Variants in RAP1A observed in about 807,000 individuals in gnomAD.
The protein encoded by RAP1A is ras-related protein Rap-1A.
In RAP1A, 6 loss-of-function variants were observed where a neutral mutation model predicts 26.4. The ratio of observed to expected loss-of-function variants is 0.23; its 90% CI spans 0.12 to 0.45. The LOEUF (loss-of-function observed/expected upper bound fraction) is 0.45, where lower values mean the gene tolerates loss of function less well. Ranked by LOEUF, RAP1A falls within the 20% of genes least tolerant of loss-of-function variation. The pLI is 0.99. For synonymous variants in RAP1A, 73 were observed against 79.4 expected (o/e 0.92, Z 0.43); for missense variants, 121 against 217.2 (o/e 0.56, Z 2.78).
At chr1:111,676,330 T>A (rs1235347618) in intron 1 of RAP1A, among the ~76,000 whole-genome samples, 1 of 152,100 alleles carries the variant, frequency 6.6e-6, no homozygotes, top group African/African-American at 2.4e-5. Context: ...AAGCCTGGGT[T>A]ATAGAGAGAG....
At chr1:111,601,842 C>G (rs555778603) in intron 1 of RAP1A, among the ~76,000 whole-genome samples, 1 of 152,278 alleles carries the variant, frequency 6.6e-6, no homozygotes, top group East Asian at 1.9e-4. Context: ...AGTACAGCTC[C>G]TGGCATGTGA....
intron 1 of RAP1A, among the ~76,000 whole-genome samples, chr1:111,565,982 T>C (rs1317702439): frequency 6.6e-6 from 1 of 152,008 alleles, no homozygotes; most frequent in Non-Finnish European, 1.5e-5. Flanking sequence ...AAAGAGAGCA[T>C]GGCACCTTCG....
intron 1 of RAP1A, among the ~76,000 whole-genome samples, chr1:111,624,434 T>A (rs1659327742): frequency 6.6e-6 from 1 of 152,210 alleles, no homozygotes; most frequent in Non-Finnish European, 1.5e-5. Context: ...TTTGTAATAG[T>A]GGTATAGATT....
chr1:111,682,961 A>T (rs1099800), intron 1 of RAP1A, among the ~76,000 whole-genome samples: 1 of 151,818 alleles, frequency 6.6e-6, no homozygotes, highest in African/African-American at 2.4e-5. Flanking sequence ...GAACGGAAAT[A>T]ATAAGTCTCT....
At chr1:111,636,744 C>T (rs1260485719) in intron 1 of RAP1A, among the ~76,000 whole-genome samples, 2 of 152,134 alleles carry the variant, frequency 1.3e-5, no homozygotes, top group Non-Finnish European at 2.9e-5. Flanking sequence ...TCGCAAAGTG[C>T]TGGGATTACA....
At chr1:111,594,604 G>GGAA in intron 1 of RAP1A, among the ~76,000 whole-genome samples, 1 of 151,474 alleles carries the variant, frequency 6.6e-6, no homozygotes, top group South Asian at 2.1e-4. Context: ...GAGGAAGGAA[G>GGAA]CAAGGAGAGC....
intron 1 of RAP1A, among the ~76,000 whole-genome samples, chr1:111,566,888 G>T (rs1481665511): frequency 2.6e-5 from 4 of 151,052 alleles, no homozygotes; most frequent in African/African-American, 4.9e-5. Flanking sequence ...TTTTTGGAGG[G>T]GGGAGGAGGA....
intron 1 of RAP1A, among the ~76,000 whole-genome samples, chr1:111,585,331 T>G (rs556605252): frequency 3.9e-5 from 6 of 152,326 alleles, no homozygotes; most frequent in African/African-American, 1.4e-4. Context: ...AATAAAAAGG[T>G]ACACTGAGAG....
chr1:111,601,891 C>T (rs1658679185), intron 1 of RAP1A, among the ~76,000 whole-genome samples: 1 of 152,088 alleles, frequency 6.6e-6, no homozygotes, highest in Non-Finnish European at 1.5e-5. Flanking sequence ...ATTTTTATAA[C>T]AAGGGTAAGA....
chr1:111,694,798 C>T (rs1302717244), intron 2 of RAP1A, among the ~76,000 whole-genome samples: 2 of 152,018 alleles, frequency 1.3e-5, no homozygotes, highest in African/African-American at 4.8e-5. Context: ...TTCTCTTTTC[C>T]ACCACAATTT....
intron 4 of RAP1A, among the ~76,000 whole-genome samples, chr1:111,701,004 A>AC (rs1279744690): frequency 6.6e-6 from 1 of 151,934 alleles, no homozygotes; most frequent in African/African-American, 2.4e-5. Context: ...TCTCTTCTTC[A>AC]CCCCCTTCAG....
intron 1 of RAP1A, among the ~76,000 whole-genome samples, chr1:111,614,557 G>A (rs140901900): frequency 2.3e-4 from 35 of 152,266 alleles, no homozygotes; most frequent in African/African-American, 8.4e-4. Flanking sequence ...AATTGTAAAA[G>A]TGCCCTAAGT....
intron 1 of RAP1A, among the ~76,000 whole-genome samples, chr1:111,583,290 T>TAA (rs33946441): frequency 1.6e-4 from 23 of 143,704 alleles, no homozygotes; most frequent in African/African-American, 5.5e-4. Flanking sequence ...GCTCATGCTT[T>TAA]AAAAAAAAAA....
chr1:111,577,699 T>TA (rs984953436), intron 1 of RAP1A, among the ~76,000 whole-genome samples: 3 of 152,228 alleles, frequency 2.0e-5, no homozygotes, highest in South Asian at 2.1e-4. Flanking sequence ...TTCCCAAATT[T>TA]AAAAAATAAT....
chr1:111,621,759 G>A (rs1216600027), intron 1 of RAP1A, among the ~76,000 whole-genome samples: 1 of 152,156 alleles, frequency 6.6e-6, no homozygotes, highest in Admixed American at 6.5e-5. Context: ...ACAAAATTTT[G>A]CATTAGTTTT....
At position 111,709,253 on chromosome 1, in the gene RAP1A, G is replaced by A. The variant is rs1662298762; in HGVS notation, c.*18G>A. The A allele has an allele frequency of 1.3e-6, 2 of 1,591,034 alleles. No individual in the cohort carries two copies. The highest frequency in any genetic ancestry group is 1.9e-5 in the Admixed American group (1 of 52,746). On this transcript the variant is annotated 3_prime_UTR_variant, in exon 7 of 8. Transcript: ENST00000369709. ...TGCTCTAGGCCCATAGTCAGCAGCA[G>A]CTCTGAGCCAGGTAAGATGCTAAAA...
At chr1:111,597,330 C>G (rs1474575752) in intron 1 of RAP1A, among the ~76,000 whole-genome samples, 1 of 152,178 alleles carries the variant, frequency 6.6e-6, no homozygotes, top group Non-Finnish European at 1.5e-5. Flanking sequence ...TTTATAGGAT[C>G]CTGCTTGTTT....
At chr1:111,562,395 G>C (rs1657775616) in intron 1 of RAP1A, among the ~76,000 whole-genome samples, 1 of 152,154 alleles carries the variant, frequency 6.6e-6, no homozygotes, top group Non-Finnish European at 1.5e-5. Context: ...TTTTAAAACT[G>C]TTGTCTGTGT....
intron 1 of RAP1A, among the ~76,000 whole-genome samples, chr1:111,678,331 C>T (rs1421561671): frequency 1.3e-5 from 2 of 152,140 alleles, no homozygotes. Context: ...ACATATTTTG[C>T]TAAATGTATC....
Sources: gnomAD v4.1 joint callset for allele counts (sites outside exome capture counted in the v4.1 genomes callset) on GRCh38, gnomAD v4.1.1 for gene constraint, MANE v1.5 for transcripts, NCBI Gene and HGNC (gene_info 2026-07-23, HGNC 2026-07-21) for gene names.